Variants in JPT1 observed in about 807,000 individuals in gnomAD.
JPT1 encodes Jupiter microtubule associated homolog 1.
In JPT1, 5 loss-of-function variants were observed where a neutral mutation model predicts 17.0. The ratio of observed to expected loss-of-function variants is 0.29; its 90% CI spans 0.15 to 0.62. JPT1 has a LOEUF of 0.62. JPT1 is among the 20% of genes least tolerant of loss of function. JPT1 has a pLI of 0.85. For missense variants in JPT1, 158 were observed against 188.1 expected, an observed-to-expected ratio of 0.84 and a Z score of 0.94; for synonymous variants, 71 against 73.6, an observed-to-expected ratio of 0.96 and a Z score of 0.18.
intron 4 of JPT1, chr17:75,145,361 T>C (rs1318826560): frequency 3.9e-5 from 6 of 152,246 alleles, no homozygotes; most frequent in Non-Finnish European, 7.3e-5. Context: ...CTTCACTGAC[T>C]GCTACTGCCT....
intron 3 of JPT1, 112 bp from the exon 4 acceptor site, chr17:75,146,796 T>C (rs192048788): frequency 2.4e-5 from 17 of 709,212 alleles, no homozygotes; most frequent in African/African-American, 2.3e-4. Flanking sequence ...TGACATTTCA[T>C]TGTGTTGCAA....
Position 75,136,048 on chromosome 17 carries a change from A to G in JPT1, c.*54T>C. ...ATGTACAGTCAGGCTCAAGTTGTGC[A>G]GTTCACAAGCATGGAGGAAACAGAC... On this transcript the variant is annotated 3_prime_UTR_variant, in exon 5 of 5. Coordinates refer to ENST00000409753, the MANE Select transcript of JPT1 (RefSeq NM_016185.4). 1 of 1,614,140 alleles carries G rather than the reference A, an allele frequency of 6.2e-7. No homozygotes were observed. Among genetic ancestry groups the G allele is most frequent in the Non-Finnish European group, 8.5e-7 (1 of 1,180,004 alleles).
At chr17:75,146,958 T>G (rs1462888436) in intron 3 of JPT1, among the ~76,000 whole-genome samples, 1 of 152,218 alleles carries the variant, frequency 6.6e-6, no homozygotes, top group African/African-American at 2.4e-5. Flanking sequence ...ACTTCAGAGA[T>G]CTTTTATTAG....
chr17:75,138,271 C>T (rs944038864), intron 4 of JPT1: 1 of 151,954 alleles, frequency 6.6e-6, no homozygotes, highest in Non-Finnish European at 1.5e-5. Flanking sequence ...CCTTAGTTTT[C>T]TTTTTAATAG....
rs1039045834 is a variant in JPT1, at chr17:75,135,744, T to A, written c.*358A>T. On this transcript the variant is annotated 3_prime_UTR_variant, in exon 5 of 5. Coordinates refer to ENST00000409753, the MANE Select transcript of JPT1 (RefSeq NM_016185.4). ...CCTGGCAGGAACGGTGCCTGTGGAC[T>A]GTTTATGGTCTGTCCAGTTGAGGCT... is the stretch of plus-strand genomic sequence containing the variant. 9 of 316,078 alleles carry A rather than the reference T, an allele frequency of 2.8e-5. No homozygotes were observed. The South Asian group carries it at 6.2e-4, about 22-fold the overall frequency. The allele number at this position is 316,078 out of a possible 1,614,324, so 19.6% of individuals were successfully genotyped here. A position where few individuals can be genotyped will look rare whatever the true frequency, so the allele number is the denominator to read the frequency against.
chr17:75,142,856 A>G, intron 4 of JPT1: 1 of 449,404 alleles, frequency 2.2e-6, no homozygotes, highest in Non-Finnish European at 4.5e-6. Flanking sequence ...TGGTCCTGTG[A>G]TATTATGATA....
At chr17:75,152,827 A>C (rs921612601) in intron 1 of JPT1, 2 of 152,218 alleles carry the variant, frequency 1.3e-5, no homozygotes, top group African/African-American at 4.8e-5. Flanking sequence ...ACAGAAAGGG[A>C]GCGACCAGTT....
rs374956953 is a variant in JPT1 at position 75,147,913 on chromosome 17, CACTT to C, written c.200-264_200-261del. On this transcript the variant is annotated intron_variant, in intron 2 of 4. Coordinates refer to ENST00000409753, the MANE Select transcript of JPT1 (RefSeq NM_016185.4). The stretch of plus-strand genomic sequence containing the variant: ...ACTCGGGAGGCTGAGGCAGAAGAAT[CACTT>C]GAACTCGGGAGGTGGAGGTTGTGGT... 257 of 404,376 alleles carry C rather than the reference CACTT, an allele frequency of 6.4e-4. No individual in the cohort carries two copies. The East Asian group carries it at 0.011, about 17-fold the overall frequency. 25.0% of individuals were successfully genotyped at this position (404,376 alleles called of 1,614,324 possible).
At chr17:75,146,745 G>T in intron 3 of JPT1, 61 bp from the exon 4 acceptor site, 1 of 1,033,108 alleles carries the variant, frequency 9.7e-7, no homozygotes, top group Non-Finnish European at 1.5e-6. Flanking sequence ...ACGCAAAACA[G>T]TCATAGTTCA....
intron 4 of JPT1, 162 bp downstream of exon 4, chr17:75,146,504 T>C: frequency 3.4e-6 from 2 of 584,220 alleles, no homozygotes; most frequent in Non-Finnish European, 6.2e-6. Context: ...ATTATGTTTC[T>C]AGCATTGATC....
chr17:75,136,164 G>A lies in JPT1; in HGVS notation c.403C>T (p.Pro135Ser). The A allele has an allele frequency of 6.2e-7, 1 of 1,614,166 alleles. No individual in the cohort carries two copies. Among genetic ancestry groups the A allele is most frequent in the South Asian group, 1.1e-5 (1 of 91,084 alleles). Reference protein sequence around the residue: ...PAAPVPSPVAPAPVPSRRNPP... With the variant: ...PAAPVPSPVASAPVPSRRNPP... Reference sequence around the variant, plus strand: ...TTTCTTCTGGATGGCACTGGGGCCGGGGCCACCGGGCTGGGCACAGGCGCA... The same window carrying A: ...TTTCTTCTGGATGGCACTGGGGCCGAGGCCACCGGGCTGGGCACAGGCGCA... The change falls in exon 5 of 5, where the codon CCG (proline) becomes TCG (serine). Residue 135 changes from proline (P) to serine (S), a missense_variant. Coordinates refer to ENST00000409753, the MANE Select transcript of JPT1 (RefSeq NM_016185.4).
rs573338279 is a variant in JPT1, at chr17:75,139,917, A to T, written c.317-3667T>A. Among the ~76,000 whole-genome samples the T allele has an allele frequency of 1.2e-4, 18 of 152,236 alleles. No individual in the cohort carries two copies. In the South Asian group the frequency reaches 3.3e-3, roughly 28 times the overall value. ...TAATGAGATAAGTACAGGAATTGAG[A>T]GTAAGTGTTCAGAAACTTTGATTTA... On this transcript the variant is annotated intron_variant, in intron 4 of 4. Coordinates refer to ENST00000409753, the MANE Select transcript of JPT1 (RefSeq NM_016185.4).
intron 1 of JPT1, 77 bp downstream of exon 1, chr17:75,154,265 C>T: frequency 7.4e-6 from 9 of 1,208,294 alleles, no homozygotes; most frequent in Non-Finnish European, 9.8e-6. Context: ...CCGCAACGAC[C>T]GGCGCGAGGC....
intron 1 of JPT1, chr17:75,153,660 A>C (rs1316039002): frequency 6.6e-6 from 1 of 152,148 alleles, no homozygotes; most frequent in Non-Finnish European, 1.5e-5. Flanking sequence ...TTTGTTAGGA[A>C]GGGGAGACAC....
intron 4 of JPT1, among the ~76,000 whole-genome samples, chr17:75,143,510 G>T (rs1469304125): frequency 1.3e-5 from 2 of 152,242 alleles, no homozygotes; most frequent in East Asian, 1.9e-4. Flanking sequence ...AGTGAGCCAA[G>T]ATCATGCCAT....
At chr17:75,146,592 T>G in intron 4 of JPT1, 74 bp downstream of exon 4, 2 of 1,163,720 alleles carry the variant, frequency 1.7e-6, no homozygotes, top group South Asian at 2.8e-5. Context: ...CCCCAAGACA[T>G]GATTTAAATC....
intron 4 of JPT1, among the ~76,000 whole-genome samples, chr17:75,142,452 A>G (rs749495786): frequency 2.5e-4 from 37 of 150,356 alleles, no homozygotes; most frequent in Non-Finnish European, 4.4e-4. Context: ...CCAGCTACGC[A>G]GGGAGGCTGA....
intron 4 of JPT1, among the ~76,000 whole-genome samples, chr17:75,143,943 AG>A (rs1374815349): frequency 5.9e-5 from 9 of 152,170 alleles, no homozygotes; most frequent in Non-Finnish European, 1.2e-4. Context: ...AGACTGCTTG[AG>A]TCCAGGAGGT....
intron 4 of JPT1, among the ~76,000 whole-genome samples, chr17:75,137,836 C>T (rs556425080): frequency 2.7e-5 from 4 of 146,144 alleles, no homozygotes; most frequent in Admixed American, 2.1e-4. Flanking sequence ...TTAGTAGAGA[C>T]GGGGTTTCGC....
Sources: allele counts gnomAD v4.1 joint callset (sites outside exome capture counted in the v4.1 genomes callset), GRCh38; gene constraint gnomAD v4.1.1; transcripts MANE v1.5; gene names NCBI Gene and HGNC (gene_info 2026-07-23, HGNC 2026-07-21).